The following MBOAT2 variants were observed in gnomAD, a reference collection of about 807,000 sequenced individuals.
The protein encoded by MBOAT2 is membrane bound glycerophospholipid O-acyltransferase 2, also known as membrane-bound glycerophospholipid O-acyltransferase 2.
Under a neutral mutation model 63.4 loss-of-function variants are expected in MBOAT2, and 28 were observed. The ratio of observed to expected loss-of-function variants is 0.44; its 90% CI spans 0.33 to 0.61. MBOAT2 has a LOEUF of 0.61. Among genes scored for constraint, MBOAT2 ranks in the 20% least tolerant of loss-of-function variants. The pLI is 0.03. For missense variants in MBOAT2, 470 were observed against 605.8 expected, an observed-to-expected ratio of 0.78 and a Z score of 2.35; for synonymous variants, 211 against 215.6, an observed-to-expected ratio of 0.98 and a Z score of 0.19.
chr2:8,952,361 A>G (rs1271456223), intron 2 of MBOAT2, among the ~76,000 whole-genome samples: 1 of 152,234 alleles, frequency 6.6e-6, no homozygotes, highest in East Asian at 1.9e-4. Flanking sequence ...CTTGAAGTAC[A>G]TTCCATGTGC....
rs1300425608 is a variant in MBOAT2, at chr2:8,857,342, G to C, written c.*1337C>G. On this transcript the variant is annotated 3_prime_UTR_variant, in exon 13 of 13. Coordinates refer to ENST00000305997, the MANE Select transcript of MBOAT2 (RefSeq NM_138799.4). ...GCCTGGCATCAAATCCCACTCTTCT[G>C]CTTTCAGCTCCTGTGGCCACCACAG... 5 of 152,610 alleles carry C rather than the reference G, an allele frequency of 3.3e-5. No homozygotes were observed. The East Asian group carries it at 9.6e-4, about 29-fold the overall frequency. 9.5% of individuals were successfully genotyped at this position (152,610 alleles called of 1,614,324 possible).
At chr2:8,998,501 A>T (rs781525590) in intron 1 of MBOAT2, among the ~76,000 whole-genome samples, 3 of 152,156 alleles carry the variant, frequency 2.0e-5, no homozygotes, top group Non-Finnish European at 4.4e-5. Context: ...AATGGAATTC[A>T]TCATAGTACA....
At chr2:8,968,282 C>A (rs1274766468) in intron 1 of MBOAT2, among the ~76,000 whole-genome samples, 1 of 152,218 alleles carries the variant, frequency 6.6e-6, no homozygotes, top group East Asian at 1.9e-4. Flanking sequence ...CTGGAGTGGA[C>A]CTCCAGCAAA....
chr2:8,942,565 T>G (rs1249771516), intron 3 of MBOAT2, among the ~76,000 whole-genome samples: 4 of 152,206 alleles, frequency 2.6e-5, no homozygotes, highest in Non-Finnish European at 5.9e-5. Context: ...TCATTGAGTG[T>G]TTACTATATA....
At chr2:8,928,962 G>A (rs886235116) in intron 3 of MBOAT2, among the ~76,000 whole-genome samples, 3 of 152,208 alleles carry the variant, frequency 2.0e-5, no homozygotes, top group Non-Finnish European at 1.5e-5. Flanking sequence ...TGATCCAGAG[G>A]ATGGTAAATG....
rs1661571454 is a variant in MBOAT2 at position 8,862,562 on chromosome 2, A to G, written c.1185+28T>C. On this transcript the variant is annotated intron_variant, in intron 11 of 12. Coordinates refer to ENST00000305997, the MANE Select transcript of MBOAT2 (RefSeq NM_138799.4). This position sits in a 1 kb window ranked among gnomAD's most constrained non-coding sequence, Gnocchi z 4.3. Reference sequence around the variant, plus strand: ...TTTAACAGTTCAAGTGGACCATTGAATTGTAAAATAAAATTCTTGATACTT... The same window carrying G: ...TTTAACAGTTCAAGTGGACCATTGAGTTGTAAAATAAAATTCTTGATACTT... 1 of 1,598,906 alleles carries G rather than the reference A, an allele frequency of 6.3e-7. No individual in the cohort carries two copies. The highest frequency in any genetic ancestry group is 8.5e-7 in the Non-Finnish European group (1 of 1,174,120).
chr2:8,970,976 A>G (rs1256514694), intron 1 of MBOAT2, among the ~76,000 whole-genome samples: 3 of 152,238 alleles, frequency 2.0e-5, no homozygotes, highest in Non-Finnish European at 4.4e-5. Flanking sequence ...AAACTATTCC[A>G]ATCAATAGAA....
chr2:8,903,329 C>T (rs1480587593), intron 4 of MBOAT2, among the ~76,000 whole-genome samples: 1 of 152,084 alleles, frequency 6.6e-6, no homozygotes, highest in Non-Finnish European at 1.5e-5. Context: ...CCTTCAAGAA[C>T]TTAGCAAAAT....
chr2:8,991,510 G>A (rs56093815), intron 1 of MBOAT2, among the ~76,000 whole-genome samples: 2,797 of 152,224 alleles, frequency 0.018, 58 homozygotes, highest in African/African-American at 0.055. Flanking sequence ...ATTACTAAAC[G>A]GTGAAATATA....
intron 4 of MBOAT2, among the ~76,000 whole-genome samples, chr2:8,900,532 T>G (rs1438192091): frequency 6.6e-6 from 1 of 152,152 alleles, no homozygotes; most frequent in Non-Finnish European, 1.5e-5. Context: ...CAAATTTCCC[T>G]CCTCCTACAG....
intron 3 of MBOAT2, among the ~76,000 whole-genome samples, chr2:8,935,271 G>T (rs531702503): frequency 6.6e-6 from 1 of 152,154 alleles, no homozygotes; most frequent in South Asian, 2.1e-4. Flanking sequence ...CTTACACCAG[G>T]AACCAAAATC....
intron 6 of MBOAT2, among the ~76,000 whole-genome samples, chr2:8,881,077 T>C (rs978744431): frequency 6.6e-6 from 1 of 152,032 alleles, no homozygotes; most frequent in African/African-American, 2.4e-5. Flanking sequence ...GAGAAATCAG[T>C]GAGTGAACAG....
intron 4 of MBOAT2, among the ~76,000 whole-genome samples, chr2:8,902,500 GTTCGTGGCCTTGTTGAC>G (rs1375615076): frequency 1.3e-5 from 2 of 152,166 alleles, no homozygotes; most frequent in African/African-American, 2.4e-5. Context: ...CTTCTGATGG[GTTCGTGGCCTTGTTGAC>G]TTCAGGAGTG....
At chr2:8,869,227 T>G (rs937024302) in intron 8 of MBOAT2, among the ~76,000 whole-genome samples, 5 of 144,294 alleles carry the variant, frequency 3.5e-5, no homozygotes, top group East Asian at 2.1e-4. Context: ...TTTTTTTTTT[T>G]GTAGAGATGG....
intron 1 of MBOAT2, among the ~76,000 whole-genome samples, chr2:8,968,804 T>G (rs1459485804): frequency 6.6e-6 from 1 of 151,890 alleles, no homozygotes. Context: ...ATGAATGAAA[T>G]GAAGCGAGAA....
intron 4 of MBOAT2, among the ~76,000 whole-genome samples, chr2:8,897,180 T>G (rs1664543780): frequency 6.6e-6 from 1 of 152,112 alleles, no homozygotes; most frequent in Non-Finnish European, 1.5e-5. Flanking sequence ...TGTGTCTCTT[T>G]CTCTCTTTTT....
intron 3 of MBOAT2, among the ~76,000 whole-genome samples, chr2:8,925,609 A>G (rs1040914353): frequency 2.0e-5 from 3 of 152,220 alleles, no homozygotes; most frequent in African/African-American, 7.2e-5. Flanking sequence ...ATGTGAGCAG[A>G]GTCTGTTATC....
intron 3 of MBOAT2, among the ~76,000 whole-genome samples, chr2:8,919,619 G>A (rs1206078539): frequency 6.6e-6 from 1 of 152,078 alleles, no homozygotes; most frequent in African/African-American, 2.4e-5. Flanking sequence ...CTGGATCCAA[G>A]TCCTGTATCA....
At chr2:8,990,131 G>T (rs1427096203) in intron 1 of MBOAT2, among the ~76,000 whole-genome samples, 1 of 152,126 alleles carries the variant, frequency 6.6e-6, no homozygotes, top group Non-Finnish European at 1.5e-5. Flanking sequence ...GAAATTTGAG[G>T]CCTAGGAAAA....
Sources: gnomAD v4.1 joint callset for allele counts (sites outside exome capture counted in the v4.1 genomes callset) on GRCh38, gnomAD v4.1.1 for gene constraint, Gnocchi (gnomAD v3.1) non-coding constraint, MANE v1.5 for transcripts, NCBI Gene and HGNC (gene_info 2026-07-23, HGNC 2026-07-21) for gene names.